PSTK: variants seen among roughly 807,000 people sequenced by gnomAD.
The protein encoded by PSTK is phosphoseryl-tRNA kinase.
PSTK carries 26 observed loss-of-function variants against 38.6 expected under a neutral mutation model. That is an observed-to-expected ratio of 0.67 (90% CI 0.49 to 0.94). The LOEUF (loss-of-function observed/expected upper bound fraction) is 0.94, where lower values mean the gene tolerates loss of function less well. Ranked by LOEUF, PSTK falls within the 40% of genes least tolerant of loss-of-function variation. The probability of loss-of-function intolerance (pLI) is 0.00; values close to 1 mark genes in which losing one functional copy is unlikely to be tolerated. For missense variants in PSTK, 445 were observed against 436.3 expected, an observed-to-expected ratio of 1.02 and a Z score of -0.18; for synonymous variants, 181 against 161.7, an observed-to-expected ratio of 1.12 and a Z score of -0.91.
chr10:122,987,516 G>A (rs1849052325), intron 5 of PSTK: 1 of 1,611,376 alleles, frequency 6.2e-7, no homozygotes, highest in Admixed American at 1.7e-5. Context: ...TAAGAAGGGG[G>A]GAAAGGTAGT....
rs371767758 is a variant in PSTK, at chr10:122,980,424, G to C, written c.-56G>C. ...GCGGAGACGCTGCGCGTGCGCGCAG[G>C]GCAGACGGTAGAGCGGAGACGACGC... On this transcript the variant is annotated 5_prime_UTR_variant, in exon 1 of 6. Transcript: ENST00000406217. The surrounding 1 kb of genome is among the most constrained non-coding windows in gnomAD (Gnocchi z 4.3). The C allele has an allele frequency of 1.3e-6, 2 of 1,487,592 alleles. No homozygotes were observed. Among genetic ancestry groups the C allele is most frequent in the Non-Finnish European group, 1.8e-6 (2 of 1,117,058 alleles). 92.1% of individuals were successfully genotyped at this position (1,487,592 alleles called of 1,614,324 possible).
chr10:122,982,492 G>C (rs976261872), intron 1 of PSTK: 19 of 518,386 alleles, frequency 3.7e-5, no homozygotes, highest in Non-Finnish European at 6.6e-5. Context: ...GGGCAAGGGA[G>C]AGGCTGAGCT....
In PSTK at chr10:122,983,035, CTTTTT is replaced by C; in HGVS notation, c.508+16_508+20del. The C allele has an allele frequency of 6.4e-7, 1 of 1,564,558 alleles. No homozygotes were observed. The highest frequency in any genetic ancestry group is 1.4e-5 in the African/African-American group (1 of 73,146). On this transcript the variant is annotated intron_variant, in intron 2 of 5. Transcript: ENST00000406217. Reference sequence around the variant, plus strand: ...AGCTGGCTCGGAAATGTAATTAAAACTTTTTTTTTCTTACACATGGAGATACTTAT... The same window carrying C: ...AGCTGGCTCGGAAATGTAATTAAAACTTTTCTTACACATGGAGATACTTAT...
intron 3 of PSTK, 125 bp downstream of exon 3, chr10:122,983,595 G>A: frequency 1.2e-6 from 1 of 831,894 alleles, no homozygotes; most frequent in Non-Finnish European, 1.8e-6. Flanking sequence ...CCCACTTTGT[G>A]TGGAAGCTAA....
intron 3 of PSTK, chr10:122,984,748 T>C (rs1849012870): frequency 1.3e-5 from 2 of 152,204 alleles, no homozygotes; most frequent in Non-Finnish European, 2.9e-5. Flanking sequence ...CAAAAGGGCA[T>C]GGGTATGAAA....
In PSTK at chr10:122,980,835, A is replaced by G; in HGVS notation, c.216+140A>G. The G allele has an allele frequency of 3.1e-6, 4 of 1,290,460 alleles. No individual in the cohort carries two copies. The highest frequency in any genetic ancestry group is 2.9e-6 in the Non-Finnish European group (3 of 1,024,468). 79.9% of individuals were successfully genotyped at this position (1,290,460 alleles called of 1,614,324 possible). On this transcript the variant is annotated intron_variant, in intron 1 of 5. Coordinates refer to ENST00000406217, the MANE Select transcript of PSTK (RefSeq NM_001363531.2). This position sits in a 1 kb window ranked among gnomAD's most constrained non-coding sequence, Gnocchi z 4.3. ...TGGTGTGGGAGGTGAAGTTCGAGAA[A>G]AGTGGAGCTGGGTTAACATAGTTAC...
In PSTK at chr10:122,983,404, C is replaced by G; in HGVS notation, c.641C>G (p.Pro214Arg). 1 of 1,614,182 alleles carries G rather than the reference C, an allele frequency of 6.2e-7. No individual in the cohort carries two copies. The highest frequency in any genetic ancestry group is 1.1e-5 in the South Asian group (1 of 91,080). The change falls in exon 3 of 6, where the codon CCT becomes CGT. Residue 214 changes from proline to arginine, a missense_variant. By Grantham distance (103) the Pro-to-Arg change is moderately radical (BLOSUM62 -2). Transcript: ENST00000406217. ...LMGRKLEKPN[P>R]EKNAWEHNSL... is the part of the protein sequence containing the mutation. ...GGAAGAAAGCTAGAAAAGCCCAACC[C>G]TGAGAAAAATGCTTGGGAACACAAC... is the stretch of plus-strand genomic sequence containing the variant.
chr10:122,981,459 G>C (rs1848957710), intron 1 of PSTK, among the ~76,000 whole-genome samples: 2 of 152,204 alleles, frequency 1.3e-5, no homozygotes, highest in African/African-American at 2.4e-5. Context: ...TGAGACCACT[G>C]GGGGAAGAGT....
At position 122,983,369 on chromosome 10, in the gene PSTK, C is replaced by A; in HGVS notation, c.606C>A (p.Ile202=). Residue 202 remains isoleucine (I), a synonymous_variant, in exon 3 of 6, where the codon ATC becomes ATA. Coordinates refer to ENST00000406217, the MANE Select transcript of PSTK (RefSeq NM_001363531.2). ...CACAGGCACTGCCTCCTGAGACCAT[C>A]CACCTGATGGGAAGAAAGCTAGAAA... ...QRPQALPPET[I]HLMGRKLEKP... The A allele has an allele frequency of 1.9e-6, 3 of 1,614,144 alleles. No homozygotes were observed. The highest frequency in any genetic ancestry group is 2.5e-6 in the Non-Finnish European group (3 of 1,179,970).
At chr10:122,981,659 C>G (rs1848959876) in intron 1 of PSTK, among the ~76,000 whole-genome samples, 1 of 152,224 alleles carries the variant, frequency 6.6e-6, no homozygotes, top group South Asian at 2.1e-4. Flanking sequence ...TGCATGGGCT[C>G]TCCAGCAAGG....
chr10:122,990,368 C>T lies in PSTK; in HGVS notation c.1072C>T (p.His358Tyr). Residue 358 changes from histidine to tyrosine, a missense_variant, in exon 6 of 6, where the codon CAT becomes TAT. Coordinates refer to ENST00000406217, the MANE Select transcript of PSTK (RefSeq NM_001363531.2). ...NIVQKYFSKQ[H>Y] ...TGTACAGAAGTATTTTTCAAAGCAG[C>T]ATTAAAATTTCTGAACTGCCAATCA... 2.8e-6 allele frequency: 4 copies of T among 1,439,286 alleles called. No homozygotes were observed. Among genetic ancestry groups the T allele is most frequent in the Non-Finnish European group, 3.7e-6 (4 of 1,088,696 alleles). The allele number at this position is 1,439,286 out of a possible 1,614,324, so 89.2% of individuals were successfully genotyped here.
chr10:122,980,778 T>A lies in PSTK; in HGVS notation c.216+83T>A, dbSNP rs1005477335. ...GGCGGGGACACTCGCGTCCACGCGG[T>A]CCTGGGTGATTTGCCATGAGCGCCC... On this transcript the variant is annotated intron_variant, in intron 1 of 5. Coordinates refer to ENST00000406217, the MANE Select transcript of PSTK (RefSeq NM_001363531.2). The surrounding 1 kb of genome is among the most constrained non-coding windows in gnomAD (Gnocchi z 4.3). 10 of 1,270,920 alleles carry A rather than the reference T, an allele frequency of 7.9e-6. No individual in the cohort carries two copies. The highest frequency in any genetic ancestry group is 1.7e-5 in the African/African-American group (1 of 59,368). 78.7% of individuals were successfully genotyped at this position (1,270,920 alleles called of 1,614,324 possible).
Position 122,980,669 on chromosome 10 carries a change from C to G in PSTK, c.190C>G (p.Leu64Val). The change falls in exon 1 of 6, where the codon CTC (leucine) becomes GTC (valine). Residue 64 changes from leucine to valine, a missense_variant. By Grantham distance (32) the Leu-to-Val change is conservative. Transcript: ENST00000406217. This position sits in a 1 kb window ranked among gnomAD's most constrained non-coding sequence, Gnocchi z 4.3. ...TGATGACGTCATGCCCGACGCGTTT[C>G]TCGCCGGGGCAAGAGCGCGACCGGC... The part of the protein sequence containing the change: ...AYDDVMPDAF[L>V]AGARARPAPS... 2 of 1,588,802 alleles carry G rather than the reference C, an allele frequency of 1.3e-6. No homozygotes were observed. The highest frequency in any genetic ancestry group is 1.7e-6 in the Non-Finnish European group (2 of 1,169,374).
In PSTK at chr10:122,987,376, G is replaced by A. The variant is rs763931965; in HGVS notation, c.877+414G>A. 1.3e-4 allele frequency: 213 copies of A among 1,614,040 alleles called. No homozygotes were observed. The highest frequency in any genetic ancestry group is 1.7e-4 in the Non-Finnish European group (205 of 1,180,034). ...TCAGAGATGACATTTAAGCAAAGAT[G>A]GGTAAGAGCGAACCATGCAGCTATC... is the stretch of plus-strand genomic sequence containing the variant. On this transcript the variant is annotated intron_variant, in intron 5 of 5. Transcript: ENST00000406217.
rs558435354 is a variant in PSTK, at chr10:122,983,035, CT to C, written c.508+20del. 1.3e-3 allele frequency: 2,059 copies of C among 1,564,176 alleles called. 20 individuals are homozygous for C. In the African/African-American group the frequency reaches 0.024, roughly 18 times the overall value. ...AGCTGGCTCGGAAATGTAATTAAAA[CT>C]TTTTTTTTCTTACACATGGAGATAC... On this transcript the variant is annotated intron_variant, in intron 2 of 5. Transcript: ENST00000406217.
intron 5 of PSTK, among the ~76,000 whole-genome samples, chr10:122,989,848 T>C (rs887791547): frequency 9.2e-5 from 14 of 152,274 alleles, no homozygotes; most frequent in Admixed American, 8.5e-4. Flanking sequence ...TTGTCATCTA[T>C]TTCTGCTTTT....
chr10:122,987,288 A>G (rs1453177395), intron 5 of PSTK: 1 of 1,571,204 alleles, frequency 6.4e-7, no homozygotes, highest in Non-Finnish European at 8.6e-7. Context: ...AGAAAATTTA[A>G]GTAAGGTAAG....
intron 5 of PSTK, 49 bp downstream of exon 5, chr10:122,987,011 C>G (rs1163634080): frequency 8.5e-7 from 1 of 1,179,826 alleles, no homozygotes; most frequent in East Asian, 2.3e-5. Flanking sequence ...TGACTTTCTA[C>G]TGCTACTGTT....
intron 4 of PSTK, 108 bp from the exon 5 acceptor site, chr10:122,986,761 G>T: frequency 1.4e-6 from 1 of 693,390 alleles, no homozygotes; most frequent in Non-Finnish European, 2.4e-6. Flanking sequence ...AAACAGAAAA[G>T]CCGCTTAAAC....
Sources: allele counts gnomAD v4.1 joint callset (sites outside exome capture counted in the v4.1 genomes callset), GRCh38; gene constraint gnomAD v4.1.1; non-coding constraint Gnocchi (gnomAD v3.1); transcripts MANE v1.5; gene names NCBI Gene and HGNC (gene_info 2026-07-23, HGNC 2026-07-21).